Variants in AIPL1 observed in about 807,000 individuals in gnomAD.
The protein encoded by AIPL1 is AIP like 1 HSP90 co-chaperone, also known as aryl-hydrocarbon-interacting protein-like 1.
A neutral mutation model predicts 32.9 loss-of-function variants in AIPL1; 23 were observed. The observed-to-expected ratio is 0.70, with a 90% CI of 0.50 to 0.99. The LOEUF is 0.99. Among genes scored for constraint, AIPL1 ranks in the 50% least tolerant of loss-of-function variants. The probability of loss-of-function intolerance (pLI) is 0.00; values close to 1 mark genes in which losing one functional copy is unlikely to be tolerated. For synonymous variants in AIPL1, 210 were observed against 209.4 expected, an observed-to-expected ratio of 1.00 and a Z score of -0.02; for missense variants, 485 against 506.0, an observed-to-expected ratio of 0.96 and a Z score of 0.40.
In AIPL1 at chr17:6,425,653, A is replaced by C; in HGVS notation, c.962T>G (p.Leu321Arg). Residue 321 changes from leucine (L) to arginine (R), a missense_variant, in exon 6 of 6, where the codon CTG becomes CGG. Leu to Arg is a moderately radical substitution (Grantham distance 102, BLOSUM62 -2). Transcript: ENST00000381129. ...RMAEKQEEER[L>R]RCRNMLSQGA... Reference sequence around the variant, plus strand: ...CTGGCTCAGCATGTTCCGGCAGCGCAGCCGCTCCTCCTCCTGCTTCTCCGC... The same window carrying C: ...CTGGCTCAGCATGTTCCGGCAGCGCCGCCGCTCCTCCTCCTGCTTCTCCGC... 2 of 1,611,656 alleles carry C rather than the reference A, an allele frequency of 1.2e-6. No individual in the cohort carries two copies. Among genetic ancestry groups the C allele is most frequent in the Non-Finnish European group, 1.7e-6 (2 of 1,179,934 alleles).
chr17:6,426,097 G>A lies in AIPL1; in HGVS notation c.785-267C>T, dbSNP rs1399511849. On this transcript the variant is annotated intron_variant, in intron 5 of 5. Coordinates refer to ENST00000381129, the MANE Select transcript of AIPL1 (RefSeq NM_014336.5). Reference sequence around the variant, plus strand: ...TTTCTTATAGACGCTACCTAAATTAGATAACCTTCAGGCCCTTTCCCTGCA... The same window carrying A: ...TTTCTTATAGACGCTACCTAAATTAAATAACCTTCAGGCCCTTTCCCTGCA... The A allele has an allele frequency of 2.4e-6, 3 of 1,269,940 alleles. No individual in the cohort carries two copies. The African/African-American group carries it at 4.5e-5, about 19-fold the overall frequency. The allele number at this position is 1,269,940 out of a possible 1,614,324, so 78.7% of individuals were successfully genotyped here. A position where few individuals can be genotyped will look rare whatever the true frequency, so the allele number is the denominator to read the frequency against.
intron 2 of AIPL1, among the ~76,000 whole-genome samples, chr17:6,432,819 C>T (rs188944714): frequency 9.3e-4 from 141 of 152,162 alleles, no homozygotes; most frequent in South Asian, 8.7e-3. Flanking sequence ...TTGGTAGAGA[C>T]GGGGTTTCAC....
chr17:6,432,718 C>T (rs950621740), intron 2 of AIPL1, among the ~76,000 whole-genome samples: 5 of 151,864 alleles, frequency 3.3e-5, no homozygotes, highest in African/African-American at 1.2e-4. Flanking sequence ...GCAACCTCTG[C>T]CTCCCGGGTT....
chr17:6,427,889 C>T (rs1912152902), intron 3 of AIPL1, among the ~76,000 whole-genome samples: 1 of 151,616 alleles, frequency 6.6e-6, no homozygotes, highest in Non-Finnish European at 1.5e-5. Context: ...GATCTCTGCT[C>T]ACTGCAACCT....
chr17:6,426,986 G>C lies in AIPL1; in HGVS notation c.537C>G (p.Pro179=), dbSNP rs769116975. 3 of 1,614,008 alleles carry C rather than the reference G, an allele frequency of 1.9e-6. No individual in the cohort carries two copies. The highest frequency in any genetic ancestry group is 2.2e-5 in the East Asian group (1 of 44,878). ...GCCGATTTCCCTCTCCGTGGAGGACGGGCACCGCCTTCATCTTCTCATGAT... is the reference window on the plus strand; with the variant it reads ...GCCGATTTCCCTCTCCGTGGAGGACCGGCACCGCCTTCATCTTCTCATGAT... ...LSNHEKMKAV[P]VLHGEGNRLF... Residue 179 remains proline (P), a synonymous_variant, in exon 4 of 6, where the codon CCC becomes CCG. Transcript: ENST00000381129.
chr17:6,426,045 A>G, intron 5 of AIPL1: 1 of 1,103,540 alleles, frequency 9.1e-7, no homozygotes, highest in Admixed American at 3.1e-5. Flanking sequence ...CCTGTGAGTA[A>G]TTTTATATTC....
chr17:6,428,413 C>G lies in AIPL1; in HGVS notation c.370G>C (p.Ala124Pro), dbSNP rs749620736. The part of the protein sequence containing the change: ...TEWHVHTCGL[A>P]NMFAYHTLGY... ...AGCGTGTGGTAGGCGAACATGTTGG[C>G]CAGCCCGCACGTGTGCACGTGCCAC... The change falls in exon 3 of 6, where the codon GCC (alanine) becomes CCC (proline). Residue 124 changes from alanine (A) to proline (P), a missense_variant. Transcript: ENST00000381129. 2 of 1,613,432 alleles carry G rather than the reference C, an allele frequency of 1.2e-6. No homozygotes were observed. The highest frequency in any genetic ancestry group is 3.3e-5 in the Admixed American group (2 of 60,036).
At chr17:6,433,453 T>C (rs1451736736) in intron 2 of AIPL1, among the ~76,000 whole-genome samples, 2 of 151,860 alleles carry the variant, frequency 1.3e-5, no homozygotes, top group African/African-American at 4.8e-5. Flanking sequence ...AAAAATGAGG[T>C]GTGGTGGTGC....
chr17:6,426,264 C>T (rs1911939075), intron 5 of AIPL1: 3 of 1,305,734 alleles, frequency 2.3e-6, no homozygotes, highest in Admixed American at 3.4e-5. Flanking sequence ...CTAGTACTGA[C>T]GGTGCCATAT....
At chr17:6,430,126 G>C (rs1368548059) in intron 2 of AIPL1, among the ~76,000 whole-genome samples, 1 of 151,766 alleles carries the variant, frequency 6.6e-6, no homozygotes, top group African/African-American at 2.4e-5. Context: ...CCATGGGCTG[G>C]GGTGAGGAGA....
rs998953076 is a variant in AIPL1, at chr17:6,426,102, C to A, written c.785-272G>T. 3.7e-5 allele frequency: 47 copies of A among 1,279,216 alleles called. No individual in the cohort carries two copies. The African/African-American group carries it at 6.1e-4, about 17-fold the overall frequency. The allele number at this position is 1,279,216 out of a possible 1,614,324, so 79.2% of individuals were successfully genotyped here. On this transcript the variant is annotated intron_variant, in intron 5 of 5. Coordinates refer to ENST00000381129, the MANE Select transcript of AIPL1 (RefSeq NM_014336.5). ...TATAGACGCTACCTAAATTAGATAACCTTCAGGCCCTTTCCCTGCACCTCC... is the reference window on the plus strand; with the variant it reads ...TATAGACGCTACCTAAATTAGATAAACTTCAGGCCCTTTCCCTGCACCTCC...
In AIPL1 at chr17:6,428,171, A is replaced by G. The variant is rs1912183071; in HGVS notation, c.465+147T>C. On this transcript the variant is annotated intron_variant, in intron 3 of 5. Transcript: ENST00000381129. ...CAGAGGACTTTTTTTTCAAATTCGT[A>G]TTCTCCCATGGCTTATGAACCCTCT... is the stretch of plus-strand genomic sequence containing the variant. 3 of 934,088 alleles carry G rather than the reference A, an allele frequency of 3.2e-6. No individual in the cohort carries two copies. In the South Asian group the frequency reaches 4.4e-5, roughly 14 times the overall value. The allele number at this position is 934,088 out of a possible 1,614,324, so 57.9% of individuals were successfully genotyped here.
At chr17:6,431,181 C>T (rs1244999306) in intron 2 of AIPL1, among the ~76,000 whole-genome samples, 7 of 152,120 alleles carry the variant, frequency 4.6e-5, no homozygotes, top group African/African-American at 1.7e-4. Flanking sequence ...CATGGTGGCT[C>T]ACGCCTGTAA....
chr17:6,430,079 GTGTGTGTGCA>G (rs1232942943), intron 2 of AIPL1, among the ~76,000 whole-genome samples: 1 of 147,082 alleles, frequency 6.8e-6, no homozygotes, highest in Non-Finnish European at 1.5e-5. Context: ...GTGTGTGTGT[GTGTGTGTGCA>G]TGCGTACATG....
intron 2 of AIPL1, among the ~76,000 whole-genome samples, chr17:6,433,556 A>T (rs1349994094): frequency 1.4e-5 from 2 of 146,666 alleles, no homozygotes; most frequent in African/African-American, 5.1e-5. Flanking sequence ...ACGCTACTGC[A>T]CTCCAGCCTG....
At chr17:6,433,871 G>A (rs930991707) in intron 2 of AIPL1, 48 bp downstream of exon 2, 4 of 1,595,752 alleles carry the variant, frequency 2.5e-6, no homozygotes, top group Non-Finnish European at 3.4e-6. Context: ...GGGTGGGTGA[G>A]CCCAGAAAAG....
At chr17:6,430,603 T>C (rs1912509886) in intron 2 of AIPL1, among the ~76,000 whole-genome samples, 1 of 152,128 alleles carries the variant, frequency 6.6e-6, no homozygotes, top group Middle Eastern at 3.2e-3. Flanking sequence ...AGCTTGTGGT[T>C]TTGCAAACAA....
chr17:6,426,813 C>A, intron 4 of AIPL1, 57 bp from the exon 5 acceptor site: 15 of 1,612,380 alleles, frequency 9.3e-6, no homozygotes, highest in Non-Finnish European at 1.3e-5. Flanking sequence ...CCCGCCCCAC[C>A]CTGGCCGGCA....
Position 6,425,820 on chromosome 17 carries a change from C to T in AIPL1, c.795G>A (p.Lys265=), listed in dbSNP as rs767338283. Residue 265 remains lysine, a synonymous_variant, in exon 6 of 6, where the codon AAG becomes AAA. Coordinates refer to ENST00000381129, the MANE Select transcript of AIPL1 (RefSeq NM_014336.5). ...DILRHHPGIV[K]AYYVRARAHA... ...GAGCCCGGGCACGCACGTAGTAGGC[C>T]TTCACGATGCCTGTGGGGAGCAGGG... The T allele has an allele frequency of 1.2e-6, 2 of 1,603,992 alleles. No homozygotes were observed. The highest frequency in any genetic ancestry group is 1.7e-6 in the Non-Finnish European group (2 of 1,179,636).
Sources: allele counts gnomAD v4.1 joint callset (sites outside exome capture counted in the v4.1 genomes callset), GRCh38; gene constraint gnomAD v4.1.1; transcripts MANE v1.5; gene names NCBI Gene and HGNC (gene_info 2026-07-23, HGNC 2026-07-21).